POC1A: variants seen among roughly 807,000 people sequenced by gnomAD.
POC1A encodes POC1 centriolar protein A.
In POC1A, 34 loss-of-function variants were observed where a neutral mutation model predicts 47.8. That is an observed-to-expected ratio of 0.71 (90% CI 0.54 to 0.95). POC1A has a LOEUF of 0.95. POC1A is among the 40% of genes least tolerant of loss of function. POC1A has a pLI of 0.00. For synonymous variants in POC1A, 177 were observed against 207.6 expected (o/e 0.85, Z 1.27); for missense variants, 466 against 528.3 (o/e 0.88, Z 1.16).
chr3:52,153,828 G>A (rs750063723), intron 1 of POC1A, among the ~76,000 whole-genome samples: 3 of 152,230 alleles, frequency 2.0e-5, no homozygotes, highest in African/African-American at 7.2e-5. Context: ...CAGCCTCCCT[G>A]ACTCTCCAAT....
At chr3:52,088,520 A>C (rs1270198221) in intron 10 of POC1A, among the ~76,000 whole-genome samples, 4 of 152,146 alleles carry the variant, frequency 2.6e-5, no homozygotes, top group African/African-American at 9.7e-5. Context: ...CAGCAGGCCC[A>C]ACTACAGCCC....
intron 9 of POC1A, 53 bp downstream of exon 9, chr3:52,122,326 G>T: frequency 1.9e-6 from 2 of 1,048,652 alleles, no homozygotes; most frequent in Non-Finnish European, 3.0e-6. Context: ...TGTTCACCAT[G>T]ACCTAGCCCA....
chr3:52,094,591 C>G (rs887292300), intron 10 of POC1A, among the ~76,000 whole-genome samples: 2 of 152,282 alleles, frequency 1.3e-5, no homozygotes, highest in Non-Finnish European at 2.9e-5. Flanking sequence ...GTGCTATGCA[C>G]AGTTCTGAAA....
At position 52,149,996 on chromosome 3, in the gene POC1A, A is replaced by G. The variant is rs529981851; in HGVS notation, c.104-9T>C. 5 of 1,611,276 alleles carry G rather than the reference A, an allele frequency of 3.1e-6. No homozygotes were observed. The East Asian group carries it at 8.9e-5, about 29-fold the overall frequency. ...GTCCATGGAGCCACTGGCTGAGGAC[A>G]GTGGGTGATGCTATGACCTACAGCT... On this transcript the variant is annotated splice_polypyrimidine_tract_variant and intron_variant, in intron 2 of 10. Coordinates refer to ENST00000296484, the MANE Select transcript of POC1A (RefSeq NM_015426.5).
intron 7 of POC1A, among the ~76,000 whole-genome samples, chr3:52,129,050 C>T (rs907610707): frequency 5.3e-5 from 8 of 152,066 alleles, no homozygotes; most frequent in Admixed American, 1.3e-4. Context: ...AAGGCTGAGG[C>T]GGGAGGATCA....
chr3:52,083,006 G>T (rs1009498698), intron 10 of POC1A, among the ~76,000 whole-genome samples: 1 of 152,158 alleles, frequency 6.6e-6, no homozygotes, highest in Non-Finnish European at 1.5e-5. Flanking sequence ...CATCCTCCAC[G>T]CCCACCAATG....
At chr3:52,099,363 A>C (rs1185043301) in intron 9 of POC1A, among the ~76,000 whole-genome samples, 1 of 152,244 alleles carries the variant, frequency 6.6e-6, no homozygotes, top group Non-Finnish European at 1.5e-5. Context: ...GCAAATAAGC[A>C]AGAAAGCAGA....
chr3:52,125,028 AT>A, intron 8 of POC1A, 84 bp downstream of exon 8: 1 of 1,068,204 alleles, frequency 9.4e-7, no homozygotes, highest in South Asian at 1.4e-5. Context: ...AACCCAGCCC[AT>A]CCCCCAAACA....
chr3:52,149,172 G>A, intron 4 of POC1A, 38 bp downstream of exon 4: 2 of 1,600,230 alleles, frequency 1.2e-6, no homozygotes, highest in Non-Finnish European at 1.7e-6. Context: ...CCAACCCCCA[G>A]GGTTCCTCCA....
intron 9 of POC1A, among the ~76,000 whole-genome samples, chr3:52,111,652 T>TAAAAAAA (rs59028696): frequency 2.1e-5 from 2 of 95,156 alleles, no homozygotes. Flanking sequence ...GTCTCAAAAT[T>TAAAAAAA]AAAAAAAAAA....
intron 10 of POC1A, among the ~76,000 whole-genome samples, chr3:52,088,512 G>GC (rs1702536512): frequency 6.6e-6 from 1 of 152,160 alleles, no homozygotes; most frequent in African/African-American, 2.4e-5. Context: ...GGAGGAAGCA[G>GC]CAGGCCCAAC....
intron 8 of POC1A, 126 bp from the exon 9 acceptor site, chr3:52,122,603 G>A (rs1012421429): frequency 3.0e-6 from 2 of 669,064 alleles, no homozygotes; most frequent in East Asian, 2.7e-5. Context: ...GTCCCCACCT[G>A]ACACCCCAAC....
rs1702221448 is a variant in POC1A, at chr3:52,079,554, C to T, written c.1126-3569G>A. ...TTCCTTGATCACACTGCCTCTCACC[C>T]TGTGCTCTGTACAGGGGAGCAGGGG... On this transcript the variant is annotated intron_variant, in intron 10 of 10. Coordinates refer to ENST00000296484, the MANE Select transcript of POC1A (RefSeq NM_015426.5). This position sits in a 1 kb window ranked among gnomAD's most constrained non-coding sequence, Gnocchi z 4.6. Among the ~76,000 whole-genome samples, 1 of 152,274 alleles carries T rather than the reference C, an allele frequency of 6.6e-6. No homozygotes were observed.
chr3:52,102,832 C>T (rs973794555), intron 9 of POC1A, among the ~76,000 whole-genome samples: 1 of 152,062 alleles, frequency 6.6e-6, no homozygotes, highest in Non-Finnish European at 1.5e-5. Context: ...AATTTCCTCC[C>T]AAATCACCTA....
At chr3:52,089,831 C>G (rs1176688960) in intron 10 of POC1A, among the ~76,000 whole-genome samples, 1 of 152,080 alleles carries the variant, frequency 6.6e-6, no homozygotes, top group Non-Finnish European at 1.5e-5. Context: ...AAGAGGGATA[C>G]AGAGAGCCCC....
At position 52,075,874 on chromosome 3, in the gene POC1A, C is replaced by T; in HGVS notation, c.*13G>A. On this transcript the variant is annotated 3_prime_UTR_variant, in exon 11 of 11. Coordinates refer to ENST00000296484, the MANE Select transcript of POC1A (RefSeq NM_015426.5). The stretch of plus-strand genomic sequence containing the variant: ...CTGCAAATCCACCGAGCTCCTGATT[C>T]CTGCTCCCCTGATCATGGTGTTGCT... 1 of 1,600,790 alleles carries T rather than the reference C, an allele frequency of 6.2e-7. No homozygotes were observed. Among genetic ancestry groups the T allele is most frequent in the Non-Finnish European group, 8.6e-7 (1 of 1,168,074 alleles).
chr3:52,106,111 C>A (rs539746133), intron 9 of POC1A, among the ~76,000 whole-genome samples: 1 of 142,652 alleles, frequency 7.0e-6, no homozygotes, highest in South Asian at 2.2e-4. Context: ...AGGAGAATGA[C>A]ATGAACCTGG....
intron 9 of POC1A, among the ~76,000 whole-genome samples, chr3:52,109,086 C>T (rs375442678): frequency 9.8e-5 from 15 of 152,312 alleles, no homozygotes; most frequent in Middle Eastern, 3.4e-3. Context: ...TCAGCTACTC[C>T]GCCTACCAGA....
rs1314669838 is a variant in POC1A, at chr3:52,149,945, T to C, written c.146A>G (p.Lys49Arg). Residue 49 changes from lysine to arginine, a missense_variant, in exon 3 of 11, where the codon AAG (lysine) becomes AGG (arginine). Coordinates refer to ENST00000296484, the MANE Select transcript of POC1A (RefSeq NM_015426.5). ...MDSCLMVWHMKPQSRAYRFTG... is the reference protein window; with the variant it reads ...MDSCLMVWHMRPQSRAYRFTG... ...GAAGCGGTAGGCGCGTGACTGCGGCTTCATGTGCCAGACCATGAGGCATGA... is the reference window on the plus strand; with the variant it reads ...GAAGCGGTAGGCGCGTGACTGCGGCCTCATGTGCCAGACCATGAGGCATGA... 3.1e-6 allele frequency: 5 copies of C among 1,613,686 alleles called. No homozygotes were observed. The highest frequency in any genetic ancestry group is 4.2e-6 in the Non-Finnish European group (5 of 1,180,006).
Sources: gnomAD v4.1 joint callset for allele counts (sites outside exome capture counted in the v4.1 genomes callset) on GRCh38, gnomAD v4.1.1 for gene constraint, Gnocchi (gnomAD v3.1) non-coding constraint, MANE v1.5 for transcripts, NCBI Gene and HGNC (gene_info 2026-07-23, HGNC 2026-07-21) for gene names.